BCORL1: variants seen among roughly 807,000 people sequenced by gnomAD.
The protein encoded by BCORL1 is BCL6 corepressor like 1.
In BCORL1, 7 loss-of-function variants were observed where a neutral mutation model predicts 87.6. The observed-to-expected ratio is 0.08, with a 90% CI of 0.05 to 0.15. The LOEUF is 0.15. Ranked by LOEUF, BCORL1 falls within the 10% of genes least tolerant of loss-of-function variation. The pLI is 1.00. For synonymous variants in BCORL1, 591 were observed against 634.4 expected (o/e 0.93, Z 1.03); for missense variants, 1,215 against 1,499.7 (o/e 0.81, Z 3.13).
intron 4 of BCORL1, among the ~76,000 whole-genome samples, chrX:130,019,779 A>G (rs752943265): frequency 8.9e-6 from 1 of 112,316 alleles, no homozygotes; most frequent in South Asian, 3.7e-4. Flanking sequence ...AAACAGCTCA[A>G]GCAAGTTTAA....
At chrX:130,021,735 A>G (rs1429136715) in intron 5 of BCORL1, among the ~76,000 whole-genome samples, 1 of 110,873 alleles carries the variant, frequency 9.0e-6, no homozygotes, top group African/African-American at 3.3e-5. Context: ...ATAGGAGTCC[A>G]GGTTCATGGT....
chrX:130,027,608 G>A (rs745865449), intron 7 of BCORL1, among the ~76,000 whole-genome samples: 3 of 112,773 alleles, frequency 2.7e-5, no homozygotes, highest in South Asian at 3.6e-4. Context: ...GAAAACACAC[G>A]GGCATGGCTC....
At chrX:130,030,874 C>CCCCTCCCACCTTCCTTTCT (rs1309158942) in intron 8 of BCORL1, among the ~76,000 whole-genome samples, 2 of 112,636 alleles carry the variant, frequency 1.8e-5, no homozygotes, top group Non-Finnish European at 3.8e-5. Context: ...CCTTCCTTTC[C>CCCCTCCCACCTTCCTTTCT]CCCTCCCACC....
intron 1 of BCORL1, among the ~76,000 whole-genome samples, chrX:129,983,532 C>T (rs754642869): frequency 1.3e-4 from 14 of 106,115 alleles, no homozygotes; most frequent in Admixed American, 1.3e-3. Context: ...GCTTTCTTCC[C>T]GGCGCTGGGG....
intron 1 of BCORL1, among the ~76,000 whole-genome samples, chrX:130,002,593 A>C: frequency 9.6e-6 from 1 of 104,241 alleles, no homozygotes; most frequent in African/African-American, 3.5e-5. Flanking sequence ...GGAGGAGAGA[A>C]TGAATGGGAG....
At position 129,991,162 on chromosome X, in the gene BCORL1, G is replaced by C. The variant is rs1927117916; in HGVS notation, c.-45+8400G>C. 2.7e-5 allele frequency among the ~76,000 whole-genome samples: 3 copies of C among 110,993 alleles called. No homozygotes were observed. The Admixed American group carries it at 2.9e-4, about 11-fold the overall frequency. On this transcript the variant is annotated intron_variant, in intron 1 of 13. Transcript: ENST00000540052. ...ATAGAGTTTCGTTCTTGTTGCCCAG[G>C]CTGGAGTGCAGTGATGCAATCTTGG... is the stretch of plus-strand genomic sequence containing the variant.
At chrX:130,036,201 A>G (rs1930929466) in intron 9 of BCORL1, among the ~76,000 whole-genome samples, 1 of 111,990 alleles carries the variant, frequency 8.9e-6, no homozygotes, top group Non-Finnish European at 1.9e-5. Flanking sequence ...TAGTCCTAGC[A>G]TCATCTCAAT....
chrX:130,044,431 T>C (rs1036056074), intron 11 of BCORL1, among the ~76,000 whole-genome samples: 1 of 111,217 alleles, frequency 9.0e-6, no homozygotes, highest in African/African-American at 3.3e-5. Flanking sequence ...ATGCCTCATG[T>C]AGCGCTTCCC....
intron 13 of BCORL1, among the ~76,000 whole-genome samples, chrX:130,052,328 T>G (rs767233042): frequency 4.4e-5 from 5 of 112,404 alleles, no homozygotes; most frequent in South Asian, 7.3e-4. Context: ...CTCTGGAACA[T>G]TTTTGTAGTT....
In BCORL1 at chrX:130,024,068, G is replaced by A. The variant is rs112904617; in HGVS notation, c.3689-922G>A. The stretch of plus-strand genomic sequence containing the variant: ...ATGGTGGTGTCTCACAGCTGCTTCC[G>A]AGGAGGAAGGTGTCAAATCTCCTGT... On this transcript the variant is annotated intron_variant, in intron 6 of 13. Transcript: ENST00000540052. 3.4e-3 allele frequency among the ~76,000 whole-genome samples: 384 copies of A among 112,392 alleles called. 2 individuals carry two copies. The highest frequency in any genetic ancestry group is 0.011 in the African/African-American group (356 of 30,957).
At position 130,034,595 on chromosome X, in the gene BCORL1, C is replaced by G. The variant is rs1004141288; in HGVS notation, c.4446C>G (p.Ile1482Met). ...EASESPTARQ[I>M]PPEARRLIVN... Reference sequence around the variant, plus strand: ...CAGAGTCACCTACAGCCCGGCAGATCCCCCCAGAGGCACGTCGGCTCATAG... The same window carrying G: ...CAGAGTCACCTACAGCCCGGCAGATGCCCCCAGAGGCACGTCGGCTCATAG... The change falls in exon 9 of 14, where the codon ATC (isoleucine) becomes ATG (methionine). Residue 1482 changes from isoleucine to methionine, a missense_variant. Ile to Met is a conservative substitution (Grantham distance 10). Coordinates refer to ENST00000540052, the MANE Select transcript of BCORL1 (RefSeq NM_001379451.1). The G allele has an allele frequency of 2.0e-6, 2 of 983,259 alleles. No individual in the cohort carries two copies. The highest frequency in any genetic ancestry group is 2.6e-6 in the Non-Finnish European group (2 of 756,104). The allele number at this position is 983,259 out of a possible 1,213,427, so 81.0% of individuals were successfully genotyped here.
At chrX:130,052,676 G>T (rs191335439) in intron 13 of BCORL1, among the ~76,000 whole-genome samples, 1 of 112,674 alleles carries the variant, frequency 8.9e-6, no homozygotes, top group Non-Finnish European at 1.9e-5. Flanking sequence ...ACATGTCAGC[G>T]TGTGGAAGTG....
chrX:130,016,992 G>A (rs1484130650), intron 4 of BCORL1, among the ~76,000 whole-genome samples: 1 of 111,965 alleles, frequency 8.9e-6, no homozygotes, highest in East Asian at 2.8e-4. Context: ...AGAACAACTT[G>A]AAGTTCTGTT....
intron 1 of BCORL1, among the ~76,000 whole-genome samples, chrX:129,993,106 C>A (rs1423101813): frequency 9.0e-6 from 1 of 111,657 alleles, no homozygotes; most frequent in Non-Finnish European, 1.9e-5. Context: ...ATTAGAAGTA[C>A]TCAAAAAATG....
At chrX:130,007,520 G>A (rs1355316752) in intron 2 of BCORL1, among the ~76,000 whole-genome samples, 3 of 112,867 alleles carry the variant, frequency 2.7e-5, no homozygotes, top group Non-Finnish European at 3.7e-5. Context: ...GCGGGGCCGG[G>A]TGCTGTGGCT....
At chrX:130,033,705 G>A (rs996622326) in intron 8 of BCORL1, among the ~76,000 whole-genome samples, 1 of 112,104 alleles carries the variant, frequency 8.9e-6, no homozygotes, top group African/African-American at 3.2e-5. Context: ...ATAGCCGGCC[G>A]GGCATGGTGG....
chrX:129,982,142 T>A (rs751513024), upstream of BCORL1, among the ~76,000 whole-genome samples: 1 of 109,121 alleles, frequency 9.2e-6, no homozygotes, highest in South Asian at 4.1e-4. Context: ...AGAGAACCCT[T>A]TGGCCGCGGC....
intron 5 of BCORL1, 183 bp downstream of exon 5, chrX:130,021,333 C>T: frequency 9.7e-6 from 7 of 721,092 alleles, no homozygotes; most frequent in Non-Finnish European, 1.1e-5. Flanking sequence ...GATCGGGGGC[C>T]CCTTCTGCTC....
chrX:130,006,986 G>A (rs1928562023), intron 2 of BCORL1, among the ~76,000 whole-genome samples: 1 of 112,186 alleles, frequency 8.9e-6, no homozygotes, highest in Non-Finnish European at 1.9e-5. Context: ...CCAAGACACA[G>A]AACAATATGG....
Sources: gnomAD v4.1 joint callset for allele counts (sites outside exome capture counted in the v4.1 genomes callset) on GRCh38, gnomAD v4.1.1 for gene constraint, MANE v1.5 for transcripts, NCBI Gene and HGNC (gene_info 2026-07-23, HGNC 2026-07-21) for gene names.